Variants in H2AJ observed in about 807,000 individuals in gnomAD.
The protein encoded by H2AJ is histone H2A.J.
Under a neutral mutation model 7.9 loss-of-function variants are expected in H2AJ, and 3 were observed. That is an observed-to-expected ratio of 0.38 (90% CI 0.17 to 0.98). The LOEUF is 0.98. Ranked by LOEUF, H2AJ falls within the 50% of genes least tolerant of loss-of-function variation. The probability of loss-of-function intolerance (pLI) is 0.39; values close to 1 mark genes in which losing one functional copy is unlikely to be tolerated. For synonymous variants in H2AJ, 98 were observed against 85.7 expected (o/e 1.14, Z -0.79); for missense variants, 128 against 174.4 (o/e 0.73, Z 1.50).
In H2AJ at chr12:14,774,436, G is replaced by A; in HGVS notation, c.-35G>A. The A allele has an allele frequency of 6.5e-7, 1 of 1,530,810 alleles. No homozygotes were observed. The highest frequency in any genetic ancestry group is 8.8e-7 in the Non-Finnish European group (1 of 1,141,064). 94.8% of individuals were successfully genotyped at this position (1,530,810 alleles called of 1,614,324 possible). A position where few individuals can be genotyped will look rare whatever the true frequency, so the allele number is the denominator to read the frequency against. On this transcript the variant is annotated 5_prime_UTR_variant, in exon 1 of 1. Coordinates refer to ENST00000544848, the MANE Select transcript of H2AJ (RefSeq NM_177925.5). ...CGGTACCGGACGCCGAGAGCGGTTT[G>A]TCTCCGTCTCTGGAGTTGTAGGCGA...
chr12:14,774,630 G>T lies in H2AJ; in HGVS notation c.160G>T (p.Ala54Ser), dbSNP rs373447600. The T allele has an allele frequency of 6.2e-7, 1 of 1,614,140 alleles. No homozygotes were observed. Among genetic ancestry groups the T allele is most frequent in the Non-Finnish European group, 8.5e-7 (1 of 1,180,018 alleles). The change falls in exon 1 of 1, where the codon GCG becomes TCG. Residue 54 changes from alanine to serine, a missense_variant. Transcript: ENST00000544848. ...VGAGAPVYLA[A>S]VLEYLTAEIL... Reference sequence around the variant, plus strand: ...CGCCGGGGCGCCGGTGTACCTGGCGGCGGTGTTGGAGTACCTTACGGCGGA... The same window carrying T: ...CGCCGGGGCGCCGGTGTACCTGGCGTCGGTGTTGGAGTACCTTACGGCGGA...
chr12:14,776,130 A>T (rs1269891534), downstream of H2AJ: 1 of 167,114 alleles, frequency 6.0e-6, no homozygotes, highest in Non-Finnish European at 1.5e-5. Flanking sequence ...TCGGAATTGA[A>T]GTCTTCCCCA....
downstream of H2AJ, chr12:14,777,010 C>G (rs1949650034): frequency 6.0e-6 from 1 of 167,306 alleles, no homozygotes; most frequent in African/African-American, 2.4e-5. Flanking sequence ...TCTCCCACCA[C>G]TACCCAAAGG....
chr12:14,774,912 G>A lies in H2AJ; in HGVS notation c.*52G>A, dbSNP rs1949612882. ...CTCCCCCAGCAAAGGCCCTTTTCAT[G>A]GTCGTCCCGCAATGCTTTTGAATGT... On this transcript the variant is annotated 3_prime_UTR_variant, in exon 1 of 1. Transcript: ENST00000544848. 6.3e-7 allele frequency: 1 copy of A among 1,575,228 alleles called. No homozygotes were observed. Among genetic ancestry groups the A allele is most frequent in the Non-Finnish European group, 8.6e-7 (1 of 1,159,760 alleles).
Position 14,774,933 on chromosome 12 carries a change from A to C in H2AJ, c.*73A>C. The C allele has an allele frequency of 6.6e-7, 1 of 1,522,946 alleles. No individual in the cohort carries two copies. The highest frequency in any genetic ancestry group is 8.9e-7 in the Non-Finnish European group (1 of 1,121,884). 94.3% of individuals were successfully genotyped at this position (1,522,946 alleles called of 1,614,324 possible). A position where few individuals can be genotyped will look rare whatever the true frequency, so the allele number is the denominator to read the frequency against. ...TCATGGTCGTCCCGCAATGCTTTTG[A>C]ATGTGCTGGATGTCATGGAGGGCCG... is the stretch of plus-strand genomic sequence containing the variant. On this transcript the variant is annotated 3_prime_UTR_variant, in exon 1 of 1. Coordinates refer to ENST00000544848, the MANE Select transcript of H2AJ (RefSeq NM_177925.5).
At position 14,775,007 on chromosome 12, in the gene H2AJ, T is replaced by C; in HGVS notation, c.*147T>C. On this transcript the variant is annotated 3_prime_UTR_variant, in exon 1 of 1. Transcript: ENST00000544848. ...CGGCGAGGGTCCCGGCGGGAGCCAA[T>C]AAAGTTGGTGAAAATCGTTTGGTCG... 2.2e-6 allele frequency: 2 copies of C among 927,720 alleles called. No homozygotes were observed. Among genetic ancestry groups the C allele is most frequent in the Non-Finnish European group, 3.2e-6 (2 of 619,530 alleles). 57.5% of individuals were successfully genotyped at this position (927,720 alleles called of 1,614,324 possible).
Position 14,774,877 on chromosome 12 carries a change from A to C in H2AJ, c.*17A>C. 1 of 1,610,212 alleles carries C rather than the reference A, an allele frequency of 6.2e-7. No homozygotes were observed. Among genetic ancestry groups the C allele is most frequent in the South Asian group, 1.1e-5 (1 of 90,822 alleles). On this transcript the variant is annotated 3_prime_UTR_variant, in exon 1 of 1. Transcript: ENST00000544848. ...AGCAAATGACCCTGACGCCGCCCTC[A>C]GGGAGCTGGCTCCCCCAGCAAAGGC...
chr12:14,774,934 A>C lies in H2AJ; in HGVS notation c.*74A>C. 1 of 1,494,408 alleles carries C rather than the reference A, an allele frequency of 6.7e-7. No homozygotes were observed. Among genetic ancestry groups the C allele is most frequent in the Non-Finnish European group, 9.1e-7 (1 of 1,104,018 alleles). 92.6% of individuals were successfully genotyped at this position (1,494,408 alleles called of 1,614,324 possible). A position where few individuals can be genotyped will look rare whatever the true frequency, so the allele number is the denominator to read the frequency against. Reference sequence around the variant, plus strand: ...CATGGTCGTCCCGCAATGCTTTTGAATGTGCTGGATGTCATGGAGGGCCGG... The same window carrying C: ...CATGGTCGTCCCGCAATGCTTTTGACTGTGCTGGATGTCATGGAGGGCCGG... On this transcript the variant is annotated 3_prime_UTR_variant, in exon 1 of 1. Transcript: ENST00000544848.
downstream of H2AJ, chr12:14,775,432 G>A: frequency 2.1e-6 from 1 of 471,178 alleles, no homozygotes; most frequent in South Asian, 1.5e-5. Context: ...TGGAAGGGTG[G>A]CTCTGATGGC....
chr12:14,776,477 C>G (rs1472161626), downstream of H2AJ: 1 of 167,056 alleles, frequency 6.0e-6, no homozygotes, highest in Non-Finnish European at 1.5e-5. Context: ...AAAGGTCAGG[C>G]CGTACACACC....
At chr12:14,775,058 T>G, downstream of H2AJ, 1 of 658,566 alleles carries the variant, frequency 1.5e-6, no homozygotes, top group Non-Finnish European at 2.6e-6. Flanking sequence ...CGCGGGGACA[T>G]GTCGGATGGC....
downstream of H2AJ, chr12:14,775,295 T>A (rs1211139338): frequency 1.1e-5 from 5 of 472,360 alleles, no homozygotes; most frequent in Admixed American, 4.7e-5. Context: ...TCACAGAGCC[T>A]TCGCTCTCCT....
chr12:14,777,950 C>T (rs994526854), downstream of H2AJ: 3 of 167,038 alleles, frequency 1.8e-5, no homozygotes, highest in Non-Finnish European at 2.9e-5. Context: ...TAAAGGACAT[C>T]CACAATTCAA....
downstream of H2AJ, chr12:14,775,510 T>C (rs1949627001): frequency 4.5e-6 from 2 of 448,248 alleles, no homozygotes; most frequent in Non-Finnish European, 9.3e-6. Flanking sequence ...ATATCAGATA[T>C]CTTTATATAG....
At chr12:14,775,420 C>G (rs1440566469), downstream of H2AJ, 1 of 471,108 alleles carries the variant, frequency 2.1e-6, no homozygotes, top group African/African-American at 2.0e-5. Context: ...AACTTTCCGT[C>G]TTGGAAGGGT....
downstream of H2AJ, chr12:14,777,182 CAG>C (rs567160588): frequency 5.7e-4 from 95 of 167,096 alleles, no homozygotes; most frequent in African/African-American, 2.0e-3. Context: ...GATGAACAAA[CAG>C]TAGTTCTTGC....
At chr12:14,775,293 C>A (rs1025014745), downstream of H2AJ, 2 of 472,360 alleles carry the variant, frequency 4.2e-6, no homozygotes, top group Non-Finnish European at 8.8e-6. Flanking sequence ...TTTCACAGAG[C>A]CTTCGCTCTC....
Position 14,774,423 on chromosome 12 carries a change from C to A in H2AJ, c.-48C>A. On this transcript the variant is annotated 5_prime_UTR_variant, in exon 1 of 1. Coordinates refer to ENST00000544848, the MANE Select transcript of H2AJ (RefSeq NM_177925.5). ...GTACGTTGCATTCCGGTACCGGACG[C>A]CGAGAGCGGTTTGTCTCCGTCTCTG... 1 of 1,523,418 alleles carries A rather than the reference C, an allele frequency of 6.6e-7. No homozygotes were observed. Among genetic ancestry groups the A allele is most frequent in the South Asian group, 1.3e-5 (1 of 76,502 alleles). The allele number at this position is 1,523,418 out of a possible 1,614,324, so 94.4% of individuals were successfully genotyped here.
chr12:14,777,653 T>C (rs1208454347), downstream of H2AJ: 2 of 167,130 alleles, frequency 1.2e-5, no homozygotes, highest in Non-Finnish European at 2.9e-5. Flanking sequence ...TTATTAGTTA[T>C]CTGATTTTTG....
Sources: allele counts gnomAD v4.1 joint callset, GRCh38; gene constraint gnomAD v4.1.1; transcripts MANE v1.5; gene names NCBI Gene and HGNC (gene_info 2026-07-23, HGNC 2026-07-21).